The following DPH6 variants were observed in gnomAD, a reference collection of about 807,000 sequenced individuals.
DPH6 encodes the protein diphthamine biosynthesis 6.
A neutral mutation model predicts 38.2 loss-of-function variants in DPH6; 33 were observed. The ratio of observed to expected loss-of-function variants is 0.86; its 90% CI spans 0.65 to 1.15. The LOEUF (loss-of-function observed/expected upper bound fraction) is 1.15, where lower values mean the gene tolerates loss of function less well. Ranked by LOEUF, DPH6 falls within the 50% of genes most tolerant of loss-of-function variation. DPH6 has a pLI of 0.00. For synonymous variants in DPH6, 108 were observed against 103.0 expected (o/e 1.05, Z -0.30); for missense variants, 325 against 320.0 (o/e 1.02, Z -0.12).
At chr15:35,436,494 C>CAAACAAAAAA (rs1566909220) in intron 5 of DPH6, among the ~76,000 whole-genome samples, 1 of 9,152 alleles carries the variant, frequency 1.1e-4, no homozygotes, top group African/African-American at 2.4e-4. Flanking sequence ...CAAAACAAAA[C>CAAACAAAAAA]AAAACAAAAC....
At chr15:35,471,837 C>T (rs1448853635) in intron 3 of DPH6, among the ~76,000 whole-genome samples, 1 of 152,172 alleles carries the variant, frequency 6.6e-6, no homozygotes, top group Non-Finnish European at 1.5e-5. Flanking sequence ...ATTTTCTATA[C>T]ATGTTCTTAG....
rs545949212 is a variant in DPH6 at position 35,478,846 on chromosome 15, C to T, written c.313-24026G>A. The stretch of plus-strand genomic sequence containing the variant: ...TTATTAGATAGATAGGCTGGCAACC[C>T]CTTAAACTTTAAGAGCATATTATGA... On this transcript the variant is annotated intron_variant, in intron 3 of 8. Coordinates refer to ENST00000256538, the MANE Select transcript of DPH6 (RefSeq NM_080650.4). Among the ~76,000 whole-genome samples the T allele has an allele frequency of 2.0e-5, 3 of 151,990 alleles. No homozygotes were observed. The East Asian group carries it at 5.8e-4, about 29-fold the overall frequency.
chr15:35,518,566 T>C (rs886114648), intron 3 of DPH6, among the ~76,000 whole-genome samples: 1 of 151,988 alleles, frequency 6.6e-6, no homozygotes, highest in Non-Finnish European at 1.5e-5. Context: ...TCTACTAAAA[T>C]AAAGATTCCA....
rs1339560517 is a variant in DPH6, at chr15:35,447,071, G to T, written c.505+3614C>A. Among the ~76,000 whole-genome samples the T allele has an allele frequency of 2.6e-5, 4 of 151,872 alleles. No individual in the cohort carries two copies. In the East Asian group the frequency reaches 7.7e-4, roughly 29 times the overall value. ...TTTTCAGTAGAGATGGGGTTTCACC[G>T]TGTTAGACACAATGGTCTCGATCTC... is the stretch of plus-strand genomic sequence containing the variant. On this transcript the variant is annotated intron_variant, in intron 5 of 8. Coordinates refer to ENST00000256538, the MANE Select transcript of DPH6 (RefSeq NM_080650.4).
At chr15:35,331,935 T>C (rs1415735353) in intron 3 of DPH6, among the ~76,000 whole-genome samples, 3 of 152,106 alleles carry the variant, frequency 2.0e-5, no homozygotes, top group African/African-American at 4.8e-5. Flanking sequence ...AATGGAGAAA[T>C]GTATGCCCAG....
At chr15:35,362,764 C>T (rs1005393381) in intron 3 of DPH6, among the ~76,000 whole-genome samples, 2 of 151,926 alleles carry the variant, frequency 1.3e-5, no homozygotes, top group African/African-American at 4.8e-5. Context: ...GGGGAGGGGG[C>T]ATCACAGTTG....
chr15:35,363,234 CA>C (rs2140909265), intron 3 of DPH6, among the ~76,000 whole-genome samples: 2 of 152,152 alleles, frequency 1.3e-5, no homozygotes, highest in South Asian at 4.1e-4. Context: ...AAGAAGCGTG[CA>C]AAAATCTTGA....
intron 3 of DPH6, among the ~76,000 whole-genome samples, chr15:35,313,351 T>C (rs1286883690): frequency 7.1e-6 from 1 of 140,310 alleles, no homozygotes; most frequent in Non-Finnish European, 1.6e-5. Flanking sequence ...CATTTCAGGA[T>C]TTTTTTTTTT....
At chr15:35,406,290 G>A (rs2053292295) in intron 6 of DPH6, among the ~76,000 whole-genome samples, 2 of 152,012 alleles carry the variant, frequency 1.3e-5, no homozygotes, top group Non-Finnish European at 2.9e-5. Context: ...AATCGATGAA[G>A]CATAGGGAGT....
chr15:35,342,481 C>T (rs796879759), intron 3 of DPH6, among the ~76,000 whole-genome samples: 7 of 152,246 alleles, frequency 4.6e-5, no homozygotes, highest in South Asian at 2.1e-4. Context: ...CTTCTTTCTC[C>T]GTAGGTTGAG....
intron 3 of DPH6, among the ~76,000 whole-genome samples, chr15:35,352,102 T>C (rs1409306787): frequency 2.0e-5 from 3 of 152,238 alleles, no homozygotes; most frequent in Non-Finnish European, 4.4e-5. Context: ...TTTTCTAATT[T>C]ATGTAAGTAT....
the DPH6 span, among the ~76,000 whole-genome samples, chr15:35,195,232 T>A: frequency 1.3e-5 from 2 of 152,236 alleles, no homozygotes; most frequent in African/African-American, 4.8e-5. Flanking sequence ...TCCATGTGGC[T>A]ACGAATGACA....
At chr15:35,341,696 G>A (rs2052422884) in intron 3 of DPH6, among the ~76,000 whole-genome samples, 1 of 152,180 alleles carries the variant, frequency 6.6e-6, no homozygotes, top group Non-Finnish European at 1.5e-5. Context: ...GGCATCACCA[G>A]TGAAGGCTGA....
At chr15:35,537,898 C>A (rs1355185632) in intron 3 of DPH6, among the ~76,000 whole-genome samples, 1 of 152,076 alleles carries the variant, frequency 6.6e-6, no homozygotes, top group Non-Finnish European at 1.5e-5. Context: ...TTAACGTATG[C>A]GTCCACCATT....
rs915971921 is a variant in DPH6, at chr15:35,237,999, G to T, written n.201-17417C>A. On this transcript the variant is annotated intron_variant and non_coding_transcript_variant, in intron 3 of 3. Coordinates refer to the DPH6 transcript ENST00000560386. ...GATGAGGAAGATGAAGAAGAGCTCC[G>T]TGAAGAAGAAAGGGGTCAGAAGCGA... 3.5e-4 allele frequency: 528 copies of T among 1,500,760 alleles called. 1 individual carries two copies. The highest frequency in any genetic ancestry group is 6.0e-5 in the Non-Finnish European group (65 of 1,077,540). The allele number at this position is 1,500,760 out of a possible 1,614,324, so 93.0% of individuals were successfully genotyped here. A position where few individuals can be genotyped will look rare whatever the true frequency, so the allele number is the denominator to read the frequency against.
At chr15:35,336,137 C>T (rs902304892) in intron 3 of DPH6, among the ~76,000 whole-genome samples, 5 of 152,104 alleles carry the variant, frequency 3.3e-5, no homozygotes, top group Admixed American at 2.0e-4. Flanking sequence ...CTTTTTGTAG[C>T]AATTGTGAAT....
chr15:35,381,130 C>A (rs1473982539), intron 7 of DPH6, among the ~76,000 whole-genome samples: 1 of 152,130 alleles, frequency 6.6e-6, no homozygotes, highest in Non-Finnish European at 1.5e-5. Flanking sequence ...GCCTTCCATT[C>A]AATCAAGCAT....
chr15:35,174,390 G>C, the DPH6 span, among the ~76,000 whole-genome samples: 1 of 152,090 alleles, frequency 6.6e-6, no homozygotes, highest in Non-Finnish European at 1.5e-5. Flanking sequence ...TTCAATCATT[G>C]AGTCCTTTTA....
At chr15:35,289,417 T>C (rs775500942) in intron 3 of DPH6, among the ~76,000 whole-genome samples, 3 of 152,214 alleles carry the variant, frequency 2.0e-5, no homozygotes, top group Admixed American at 2.0e-4. Flanking sequence ...TGTCACTGTC[T>C]AGATTAGGCT....
Sources: allele counts gnomAD v4.1 joint callset (sites outside exome capture counted in the v4.1 genomes callset), GRCh38; gene constraint gnomAD v4.1.1; transcripts MANE v1.5; gene names NCBI Gene and HGNC (gene_info 2026-07-23, HGNC 2026-07-21).